PKHD1: variants seen among roughly 807,000 people sequenced by gnomAD.
The protein encoded by PKHD1 is fibrocystin.
PKHD1 carries 291 observed loss-of-function variants against 412.0 expected under a neutral mutation model. The observed-to-expected ratio is 0.71, with a 90% CI of 0.64 to 0.78. The LOEUF is 0.78. Among genes scored for constraint, PKHD1 ranks in the 30% least tolerant of loss-of-function variants. The pLI is 0.00. For synonymous variants in PKHD1, 1,777 were observed against 1,821.5 expected (o/e 0.98, Z 0.62); for missense variants, 4,825 against 4,950.7 (o/e 0.97, Z 0.76).
chr6:51,802,260 A>G (rs6458787), intron 52 of PKHD1, among the ~76,000 whole-genome samples: 90,685 of 149,544 alleles, frequency 0.61, 28,275 homozygotes, highest in East Asian at 0.83. Context: ...ACAATCAAAC[A>G]AACAAAAAAC....
At chr6:51,797,938 G>C (rs1469356748) in intron 52 of PKHD1, among the ~76,000 whole-genome samples, 1 of 152,168 alleles carries the variant, frequency 6.6e-6, no homozygotes, top group African/African-American at 2.4e-5. Context: ...TGTAGTGACT[G>C]GTAACAGCTT....
chr6:51,907,267 A>G (rs1027592798), intron 40 of PKHD1, among the ~76,000 whole-genome samples: 8 of 152,212 alleles, frequency 5.3e-5, no homozygotes, highest in Admixed American at 5.2e-4. Context: ...TTTAGTTTAC[A>G]GAATAATTTG....
At chr6:51,948,495 C>T (rs1406417678) in intron 36 of PKHD1, among the ~76,000 whole-genome samples, 2 of 152,158 alleles carry the variant, frequency 1.3e-5, no homozygotes, top group African/African-American at 4.8e-5. Flanking sequence ...CTCCATGGTA[C>T]TAAGCAAATT....
chr6:51,872,782 C>T (rs898756485), intron 46 of PKHD1, among the ~76,000 whole-genome samples: 1 of 150,854 alleles, frequency 6.6e-6, no homozygotes, highest in Non-Finnish European at 1.5e-5. Flanking sequence ...AATTTCAATG[C>T]AAAATGAACT....
chr6:51,907,213 G>A (rs1782239847), intron 40 of PKHD1, among the ~76,000 whole-genome samples: 3 of 152,150 alleles, frequency 2.0e-5, no homozygotes, highest in African/African-American at 7.2e-5. Context: ...ACTAGGTAGT[G>A]AGAAAGATAC....
intron 12 of PKHD1, 118 bp from the exon 13 acceptor site, chr6:52,065,168 T>TATATATAGAGAGAGAC (rs1472830438): frequency 3.2e-5 from 1 of 31,412 alleles, no homozygotes; most frequent in Non-Finnish European, 5.6e-5. Context: ...TATATATATA[T>TATATATAGAGAGAGAC]AGAGAGAGAG....
intron 60 of PKHD1, among the ~76,000 whole-genome samples, chr6:51,737,851 G>A (rs1784053204): frequency 6.6e-6 from 1 of 152,094 alleles, no homozygotes; most frequent in South Asian, 2.1e-4. Flanking sequence ...TGATAAGTCA[G>A]TTTTAGTAGC....
intron 37 of PKHD1, among the ~76,000 whole-genome samples, chr6:51,933,401 T>A (rs1407159495): frequency 6.6e-6 from 1 of 152,162 alleles, no homozygotes; most frequent in African/African-American, 2.4e-5. Flanking sequence ...GGTAGAGGGT[T>A]TGGGGAGACA....
chr6:51,695,451 G>A (rs908743093), intron 60 of PKHD1, among the ~76,000 whole-genome samples: 11 of 151,852 alleles, frequency 7.2e-5, no homozygotes, highest in African/African-American at 2.7e-4. Context: ...AGGAGAAGAG[G>A]AAGAAGAGGA....
At chr6:51,804,372 G>A (rs1243943779) in intron 52 of PKHD1, among the ~76,000 whole-genome samples, 3 of 61,098 alleles carry the variant, frequency 4.9e-5, no homozygotes, top group African/African-American at 2.1e-4. Context: ...GGGGGGGGGG[G>A]GCGGTAACAG....
At chr6:51,867,130 A>G (rs573676129) in intron 48 of PKHD1, among the ~76,000 whole-genome samples, 1 of 152,260 alleles carries the variant, frequency 6.6e-6, no homozygotes, top group African/African-American at 2.4e-5. Flanking sequence ...TTGACTTAAT[A>G]CTCATGGAGT....
chr6:51,902,252 T>G (rs1187690393), intron 43 of PKHD1, among the ~76,000 whole-genome samples: 3 of 152,210 alleles, frequency 2.0e-5, no homozygotes, highest in Non-Finnish European at 4.4e-5. Flanking sequence ...CTCTTTTATT[T>G]ACGCAGCTTC....
At chr6:51,627,591 T>A (rs539483602) in intron 65 of PKHD1, among the ~76,000 whole-genome samples, 110 of 152,184 alleles carry the variant, frequency 7.2e-4, no homozygotes, top group African/African-American at 2.6e-3. Context: ...TTACTAATAC[T>A]TTTTTTAACC....
chr6:51,907,551 C>T (rs1448800318), intron 40 of PKHD1, among the ~76,000 whole-genome samples: 2 of 152,112 alleles, frequency 1.3e-5, no homozygotes, highest in Non-Finnish European at 2.9e-5. Flanking sequence ...CTCTTATGGG[C>T]GGAATACTGG....
chr6:51,677,970 T>C (rs1186191678), intron 60 of PKHD1, among the ~76,000 whole-genome samples: 3 of 152,192 alleles, frequency 2.0e-5, no homozygotes, highest in Non-Finnish European at 4.4e-5. Context: ...CATCTATACA[T>C]TGCTTGAAAA....
intron 52 of PKHD1, among the ~76,000 whole-genome samples, chr6:51,795,150 A>G (rs1582735736): frequency 6.6e-6 from 1 of 152,274 alleles, no homozygotes; most frequent in South Asian, 2.1e-4. Flanking sequence ...GATTCTTCCT[A>G]TCCATGAGCA....
chr6:51,655,559 G>T (rs1476135572), intron 61 of PKHD1, among the ~76,000 whole-genome samples: 1 of 152,098 alleles, frequency 6.6e-6, no homozygotes, highest in African/African-American at 2.4e-5. Flanking sequence ...TCATGGCAAT[G>T]TCACAAACAA....
At chr6:52,001,288 A>G (rs1469603738) in intron 35 of PKHD1, among the ~76,000 whole-genome samples, 1 of 152,218 alleles carries the variant, frequency 6.6e-6, no homozygotes, top group African/African-American at 2.4e-5. Context: ...CAATACATTA[A>G]TAGTAGTAAC....
chr6:51,795,218 G>C (rs1471840711), intron 52 of PKHD1, among the ~76,000 whole-genome samples: 2 of 152,082 alleles, frequency 1.3e-5, no homozygotes, highest in Non-Finnish European at 2.9e-5. Context: ...GTGGTTTGAA[G>C]TTCTCCTTAA....
Sources: allele counts gnomAD v4.1 joint callset (sites outside exome capture counted in the v4.1 genomes callset), GRCh38; gene constraint gnomAD v4.1.1; transcripts MANE v1.5; gene names NCBI Gene and HGNC (gene_info 2026-07-23, HGNC 2026-07-21).